ZNF33A: variants seen among roughly 807,000 people sequenced by gnomAD.
ZNF33A encodes brain my041 protein.
In ZNF33A, 9 loss-of-function variants were observed where a neutral mutation model predicts 15.9. The observed-to-expected ratio is 0.57, with a 90% confidence interval of 0.34 to 0.99. The LOEUF (loss-of-function observed/expected upper bound fraction) is 0.99, where lower values mean the gene tolerates loss of function less well. ZNF33A is among the 50% of genes least tolerant of loss of function. The pLI, the probability that ZNF33A is intolerant of heterozygous loss-of-function variation, is 0.02. For synonymous variants in ZNF33A, 294 were observed against 324.2 expected (o/e 0.91, Z 1.00); for missense variants, 843 against 941.6 (o/e 0.90, Z 1.37).
At chr10:38,039,683 T>A in intron 4 of ZNF33A, 1 of 409,064 alleles carries the variant, frequency 2.4e-6, no homozygotes, top group Non-Finnish European at 4.7e-6. Flanking sequence ...ACATTGTTCA[T>A]ACCATTCTTT....
chr10:38,013,113 AATTTTTTT>A (rs1223864491), intron 2 of ZNF33A, among the ~76,000 whole-genome samples: 5 of 152,082 alleles, frequency 3.3e-5, no homozygotes, highest in African/African-American at 9.7e-5. Flanking sequence ...TTTTAATTTT[AATTTTTTT>A]ATTTTTTTGA....
At chr10:38,060,161 C>A, downstream of ZNF33A, 1 of 849,986 alleles carries the variant, frequency 1.2e-6, no homozygotes, top group Non-Finnish European at 1.4e-6. Flanking sequence ...TGCTTTTGTA[C>A]ATCCTTAATA....
At position 38,054,994 on chromosome 10, in the gene ZNF33A, T is replaced by C. The variant is rs1024333453; in HGVS notation, c.870T>C (p.Leu290=). ...AGTTCTTATGTGTGAAGTCCACCCT[T>C]TCTAAACCTCATGGGGTATCTATGA... is the stretch of plus-strand genomic sequence containing the variant. The part of the protein sequence containing the change: ...CEKFLCVKST[L]SKPHGVSMKH... The change falls in exon 5 of 5, where the codon CTT becomes CTC. Residue 290 remains leucine (L), a synonymous_variant. Transcript: ENST00000432900. 7.4e-6 allele frequency: 12 copies of C among 1,613,998 alleles called. No individual in the cohort carries two copies. The highest frequency in any genetic ancestry group is 1.0e-5 in the Non-Finnish European group (12 of 1,179,992).
rs187528222 is a variant in ZNF33A at position 38,046,907 on chromosome 10, T to C, written c.251-7468T>C. 2.6e-5 allele frequency among the ~76,000 whole-genome samples: 4 copies of C among 152,160 alleles called. No individual in the cohort carries two copies. The East Asian group carries it at 7.7e-4, about 29-fold the overall frequency. ...AAATACATGGCCAGCCATTGTTGTC[T>C]CATGCCTATAAATCCCAGCACTTTG... is the stretch of plus-strand genomic sequence containing the variant. On this transcript the variant is annotated intron_variant, in intron 4 of 4. Coordinates refer to ENST00000432900, the MANE Select transcript of ZNF33A (RefSeq NM_006954.2).
intron 4 of ZNF33A, among the ~76,000 whole-genome samples, chr10:38,046,979 C>G (rs192050236): frequency 0.011 from 1,690 of 151,802 alleles, 23 homozygotes; most frequent in Non-Finnish European, 0.013. Context: ...TGAGACCAGC[C>G]TGGGCAACAT....
rs1397663924 is a variant in ZNF33A, at chr10:38,055,894, T to C, written c.1770T>C (p.Phe590=). The change falls in exon 5 of 5, where the codon TTT becomes TTC. Residue 590 remains phenylalanine, a synonymous_variant. Coordinates refer to ENST00000432900, the MANE Select transcript of ZNF33A (RefSeq NM_006954.2). ...AATGTCATGAATGTGGAAAAATCTT[T>C]TACAATAAATCATACCTAACTAAAC... ...PYECHECGKI[F]YNKSYLTKHN... is the part of the protein sequence containing the mutation. The C allele has an allele frequency of 1.9e-6, 3 of 1,613,596 alleles. No individual in the cohort carries two copies. The highest frequency in any genetic ancestry group is 2.2e-5 in the South Asian group (2 of 91,048).
intron 4 of ZNF33A, among the ~76,000 whole-genome samples, chr10:38,044,208 C>CTTT (rs35770536): frequency 3.7e-5 from 5 of 136,008 alleles, no homozygotes; most frequent in Admixed American, 7.5e-5. Flanking sequence ...TCTTTTCTTT[C>CTTT]TTTTTTTTTT....
chr10:38,030,333 A>G (rs905800211), intron 4 of ZNF33A, among the ~76,000 whole-genome samples: 4 of 152,232 alleles, frequency 2.6e-5, no homozygotes, highest in African/African-American at 9.6e-5. Context: ...CCAAACCTGA[A>G]TAATCCAGAT....
intron 1 of ZNF33A, among the ~76,000 whole-genome samples, chr10:38,011,230 C>T (rs893330117): frequency 1.3e-5 from 2 of 152,234 alleles, no homozygotes; most frequent in Non-Finnish European, 2.9e-5. Context: ...ATCACTGCAT[C>T]TTGGTATTTG....
chr10:38,011,614 C>T (rs2064188515), intron 1 of ZNF33A, among the ~76,000 whole-genome samples: 2 of 152,084 alleles, frequency 1.3e-5, no homozygotes, highest in South Asian at 2.1e-4. Context: ...AATTTTGCCT[C>T]ATTTGTTAGA....
At chr10:38,048,999 C>T (rs1335295519) in intron 4 of ZNF33A, among the ~76,000 whole-genome samples, 1 of 151,946 alleles carries the variant, frequency 6.6e-6, no homozygotes, top group Non-Finnish European at 1.5e-5. Flanking sequence ...AATATATTAA[C>T]AAAGGTAAAT....
downstream of ZNF33A, among the ~76,000 whole-genome samples, chr10:38,062,632 C>G (rs543762953): frequency 1.1e-4 from 16 of 152,204 alleles, no homozygotes; most frequent in Non-Finnish European, 2.4e-4. Context: ...TGCTTGAGCC[C>G]AGGAGTTCAA....
At chr10:38,026,609 C>T (rs1288538951) in intron 4 of ZNF33A, among the ~76,000 whole-genome samples, 1 of 152,192 alleles carries the variant, frequency 6.6e-6, no homozygotes, top group Non-Finnish European at 1.5e-5. Flanking sequence ...GGATTACAGG[C>T]GTGAGCCACT....
chr10:38,060,513 G>A (rs527465879), downstream of ZNF33A, among the ~76,000 whole-genome samples: 1 of 152,278 alleles, frequency 6.6e-6, no homozygotes, highest in South Asian at 2.1e-4. Context: ...AACCCTGTGT[G>A]GCTCTTCCCA....
downstream of ZNF33A, among the ~76,000 whole-genome samples, chr10:38,067,015 T>C (rs118147785): frequency 1.4e-4 from 21 of 152,338 alleles, no homozygotes; most frequent in East Asian, 4.1e-3. Flanking sequence ...GTCCTCAATA[T>C]GACCTATTAA....
chr10:38,061,471 T>C (rs921567037), downstream of ZNF33A, among the ~76,000 whole-genome samples: 2 of 152,174 alleles, frequency 1.3e-5, no homozygotes, highest in African/African-American at 4.8e-5. Context: ...CCCTTGCCAG[T>C]GTGCCTGAGC....
chr10:38,012,225 T>TAGGGCGGAAGAATCCAGGAGTTGCC (rs2064217679), intron 1 of ZNF33A, 73 bp from the exon 2 acceptor site: 1 of 1,518,016 alleles, frequency 6.6e-7, no homozygotes, highest in Non-Finnish European at 9.0e-7. Context: ...TATGGCTTCT[T>TAGGGCGGAAGAATCCAGGAGTTGCC]AGGGCGGAAG....
At chr10:38,031,014 G>A (rs904201785) in intron 4 of ZNF33A, among the ~76,000 whole-genome samples, 1 of 152,148 alleles carries the variant, frequency 6.6e-6, no homozygotes, top group South Asian at 2.1e-4. Context: ...ACCATGTGTG[G>A]CATCCTTGTG....
intron 4 of ZNF33A, among the ~76,000 whole-genome samples, chr10:38,053,997 G>A (rs1300872437): frequency 6.6e-6 from 1 of 152,152 alleles, no homozygotes; most frequent in Non-Finnish European, 1.5e-5. Flanking sequence ...TCCTAGTTAT[G>A]TTAAAGTCAT....
Sources: gnomAD v4.1 joint callset for allele counts (sites outside exome capture counted in the v4.1 genomes callset) on GRCh38, gnomAD v4.1.1 for gene constraint, MANE v1.5 for transcripts, NCBI Gene and HGNC (gene_info 2026-07-23, HGNC 2026-07-21) for gene names.